PLEKHH2: variants seen among roughly 807,000 people sequenced by gnomAD.
The protein encoded by PLEKHH2 is pleckstrin homology, MyTH4 and FERM domain containing H2.
PLEKHH2 carries 129 observed loss-of-function variants against 187.9 expected under a neutral mutation model. The observed-to-expected ratio is 0.69, with a 90% CI of 0.59 to 0.79. PLEKHH2 has a LOEUF of 0.79. Among genes scored for constraint, PLEKHH2 ranks in the 30% least tolerant of loss-of-function variants. The pLI, the probability that PLEKHH2 is intolerant of heterozygous loss-of-function variation, is 0.00. For missense variants in PLEKHH2, 2,076 were observed against 1,751.2 expected, an observed-to-expected ratio of 1.19 and a Z score of -3.31; for synonymous variants, 686 against 605.6, an observed-to-expected ratio of 1.13 and a Z score of -1.95.
chr2:43,668,029 T>TTTG (rs889746806), intron 2 of PLEKHH2, among the ~76,000 whole-genome samples: 7 of 152,260 alleles, frequency 4.6e-5, no homozygotes, highest in East Asian at 1.9e-4. Flanking sequence ...AGCATTCTTT[T>TTTG]TTGTTGTTGT....
intron 2 of PLEKHH2, among the ~76,000 whole-genome samples, chr2:43,653,659 C>A (rs2104356194): frequency 6.6e-6 from 1 of 152,254 alleles, no homozygotes; most frequent in East Asian, 1.9e-4. Context: ...GACAGGTGAA[C>A]CAATTGAGCC....
At chr2:43,665,739 G>A (rs978954808) in intron 2 of PLEKHH2, among the ~76,000 whole-genome samples, 2 of 120,802 alleles carry the variant, frequency 1.7e-5, no homozygotes, top group African/African-American at 3.4e-5. Flanking sequence ...TGCCGTGTGA[G>A]GTGTCAGTGT....
chr2:43,697,746 C>T (rs1377555461), intron 7 of PLEKHH2, among the ~76,000 whole-genome samples: 1 of 151,962 alleles, frequency 6.6e-6, no homozygotes, highest in East Asian at 1.9e-4. Context: ...ACACATAAAA[C>T]ATTATTTAAA....
rs761880143 is a variant in PLEKHH2 at position 43,697,345 on chromosome 2, A to G, written c.677A>G (p.Lys226Arg). 1.2e-5 allele frequency: 19 copies of G among 1,608,524 alleles called. No homozygotes were observed. The East Asian group carries it at 4.0e-4, about 34-fold the overall frequency. ...SSKEPEFTEG[K>R]DMEEMEIPEK... ...AAAGAACCTGAGTTCACTGAAGGAA[A>G]AGACATGGAAGGTATTTATGAACTA... The change falls in exon 7 of 30, where the codon AAA (lysine) becomes AGA (arginine). Residue 226 changes from lysine (K) to arginine (R), a missense_variant. Physicochemically the swap from Lys to Arg is conservative, Grantham distance 26. Transcript: ENST00000282406.
intron 16 of PLEKHH2, 104 bp downstream of exon 16, chr2:43,720,853 T>G: frequency 6.8e-7 from 1 of 1,466,564 alleles, no homozygotes. Flanking sequence ...TTCAGAATCT[T>G]TATGAGGTTG....
chr2:43,706,725 G>C (rs951155818), intron 10 of PLEKHH2, among the ~76,000 whole-genome samples: 2 of 152,132 alleles, frequency 1.3e-5, no homozygotes, highest in Non-Finnish European at 2.9e-5. Flanking sequence ...TCCTAATTTA[G>C]GCAGATCTTT....
chr2:43,651,786 A>T (rs1257136079), intron 2 of PLEKHH2, among the ~76,000 whole-genome samples: 1 of 152,242 alleles, frequency 6.6e-6, no homozygotes, highest in Admixed American at 6.5e-5. Context: ...CCTGTCTCAT[A>T]GCATAGCTGT....
chr2:43,724,887 TTGTC>T (rs1463562862), intron 16 of PLEKHH2, among the ~76,000 whole-genome samples: 1 of 152,196 alleles, frequency 6.6e-6, no homozygotes, highest in African/African-American at 2.4e-5. Flanking sequence ...AGCAGCCTCA[TTGTC>T]TGGGGTAAAT....
rs756269555 is a variant in PLEKHH2, at chr2:43,753,638, G to T, written c.3673G>T (p.Ala1225Ser). The stretch of plus-strand genomic sequence containing the variant: ...TTACAGACTATATTTCTCAGTGCAA[G>T]CTCGTGGAGAGACTGATAGAGAAAA... ...YKNRLYFSVQARGETDREKLL... is the reference protein window; with the variant it reads ...YKNRLYFSVQSRGETDREKLL... Residue 1225 changes from alanine to serine, a missense_variant, in exon 25 of 30, where the codon GCT becomes TCT. Coordinates refer to ENST00000282406, the MANE Select transcript of PLEKHH2 (RefSeq NM_172069.4). 26 of 1,531,502 alleles carry T rather than the reference G, an allele frequency of 1.7e-5. No homozygotes were observed. The East Asian group carries it at 6.2e-4, about 36-fold the overall frequency. 94.9% of individuals were successfully genotyped at this position (1,531,502 alleles called of 1,614,324 possible).
intron 3 of PLEKHH2, among the ~76,000 whole-genome samples, chr2:43,682,546 T>C (rs774690971): frequency 5.9e-5 from 9 of 151,960 alleles, no homozygotes; most frequent in African/African-American, 9.7e-5. Flanking sequence ...ACCTTGTGAT[T>C]TGCCCCCCTT....
At chr2:43,723,536 C>A (rs1198756044) in intron 16 of PLEKHH2, among the ~76,000 whole-genome samples, 1 of 152,110 alleles carries the variant, frequency 6.6e-6, no homozygotes, top group Non-Finnish European at 1.5e-5. Flanking sequence ...CAGGCTTCGG[C>A]TTCCCATCTT....
At chr2:43,736,336 C>G (rs1671292490) in intron 19 of PLEKHH2, among the ~76,000 whole-genome samples, 1 of 152,142 alleles carries the variant, frequency 6.6e-6, no homozygotes, top group Non-Finnish European at 1.5e-5. Context: ...ATTTGCCCTG[C>G]CAGTGGTTTT....
intron 16 of PLEKHH2, among the ~76,000 whole-genome samples, chr2:43,724,732 A>G (rs919693): frequency 0.62 from 93,979 of 152,072 alleles, 30,703 homozygotes; most frequent in African/African-American, 0.82. Flanking sequence ...TCTTTTCAAT[A>G]AGCAGTTTTG....
chr2:43,699,876 C>T lies in PLEKHH2; in HGVS notation c.918C>T (p.Leu306=), dbSNP rs187276353. 1.6e-5 allele frequency: 26 copies of T among 1,614,132 alleles called. No individual in the cohort carries two copies. In the East Asian group the frequency reaches 3.3e-4, roughly 21 times the overall value. The change falls in exon 8 of 30, where the codon CTC becomes CTT. Residue 306 remains leucine, a synonymous_variant. Coordinates refer to ENST00000282406, the MANE Select transcript of PLEKHH2 (RefSeq NM_172069.4). ...GRSKSRCTST[L]SSHTSEEGVQ... ...CCAAGTCCAGATGCACATCCACCCT[C>T]TCCAGTCACACATCTGAGGAAGGGG...
At chr2:43,755,595 A>T (rs1241095868) in intron 25 of PLEKHH2, among the ~76,000 whole-genome samples, 1 of 152,166 alleles carries the variant, frequency 6.6e-6, no homozygotes, top group East Asian at 1.9e-4. Context: ...TTGGGCAGGG[A>T]TGTGAAGGGA....
chr2:43,731,973 C>G (rs1671061547), intron 19 of PLEKHH2, among the ~76,000 whole-genome samples: 1 of 152,198 alleles, frequency 6.6e-6, no homozygotes. Context: ...ATTCCTCAAT[C>G]TCTATTAGAA....
chr2:43,689,288 G>A (rs1668680276), intron 3 of PLEKHH2, among the ~76,000 whole-genome samples: 1 of 152,192 alleles, frequency 6.6e-6, no homozygotes, highest in Non-Finnish European at 1.5e-5. Flanking sequence ...GCTGAGGTGG[G>A]TGGATACAAT....
At chr2:43,686,569 T>G (rs1237363409) in intron 3 of PLEKHH2, among the ~76,000 whole-genome samples, 1 of 152,192 alleles carries the variant, frequency 6.6e-6, no homozygotes, top group Non-Finnish European at 1.5e-5. Flanking sequence ...GTAATGGATA[T>G]TACATTGCAA....
intron 1 of PLEKHH2, among the ~76,000 whole-genome samples, chr2:43,639,788 C>T (rs774765414): frequency 2.0e-5 from 3 of 151,528 alleles, no homozygotes; most frequent in Non-Finnish European, 4.4e-5. Context: ...TCCCTAGTAG[C>T]TGGAATTATA....
Sources: allele counts gnomAD v4.1 joint callset (sites outside exome capture counted in the v4.1 genomes callset), GRCh38; gene constraint gnomAD v4.1.1; transcripts MANE v1.5; gene names NCBI Gene and HGNC (gene_info 2026-07-23, HGNC 2026-07-21).